The following IPP variants were observed in gnomAD, a reference collection of about 807,000 sequenced individuals.
The protein encoded by IPP is intracisternal A particle-promoted polypeptide.
IPP carries 41 observed loss-of-function variants against 64.1 expected under a neutral mutation model. That is an observed-to-expected ratio of 0.64 (90% CI 0.50 to 0.83). The LOEUF (loss-of-function observed/expected upper bound fraction) is 0.83. IPP is among the 40% of genes least tolerant of loss of function. IPP has a pLI of 0.00. For synonymous variants in IPP, 214 were observed against 235.2 expected (o/e 0.91, Z 0.83); for missense variants, 649 against 703.0 (o/e 0.92, Z 0.87).
chr1:45,702,750 C>T (rs1645471898), intron 8 of IPP, among the ~76,000 whole-genome samples: 1 of 151,944 alleles, frequency 6.6e-6, no homozygotes, highest in Non-Finnish European at 1.5e-5. Context: ...CCACTGCACC[C>T]GACCATTAAC....
intron 3 of IPP, among the ~76,000 whole-genome samples, 167 bp downstream of exon 3, chr1:45,740,734 A>G (rs2148581288): frequency 6.6e-6 from 1 of 152,348 alleles, no homozygotes; most frequent in South Asian, 2.1e-4. Context: ...ACAGAACACA[A>G]AAGTTGTATC....
At chr1:45,697,956 TA>T (rs1312752820), downstream of IPP, 850 of 120,066 alleles carry the variant, frequency 7.1e-3, no homozygotes, top group East Asian at 0.012. Flanking sequence ...AGACTCCATC[TA>T]AAAAAAAAAA....
At chr1:45,741,786 G>A (rs1161107055) in intron 2 of IPP, among the ~76,000 whole-genome samples, 3 of 126,480 alleles carry the variant, frequency 2.4e-5, no homozygotes, top group African/African-American at 8.5e-5. Flanking sequence ...CCGCCACTGC[G>A]CCCGGCTAAT....
intron 7 of IPP, among the ~76,000 whole-genome samples, chr1:45,716,242 A>C (rs1312356870): frequency 6.6e-6 from 1 of 152,086 alleles, no homozygotes; most frequent in East Asian, 1.9e-4. Context: ...GACCATGAAA[A>C]TAATTTATTT....
chr1:45,734,656 A>G (rs1217006448), intron 3 of IPP, among the ~76,000 whole-genome samples: 1 of 152,096 alleles, frequency 6.6e-6, no homozygotes, highest in Admixed American at 6.6e-5. Context: ...ATCTCACTCT[A>G]TCGCCCAGGC....
intron 8 of IPP, among the ~76,000 whole-genome samples, chr1:45,702,828 A>G (rs540549488): frequency 6.6e-6 from 1 of 152,338 alleles, no homozygotes; most frequent in Admixed American, 6.5e-5. Context: ...AAAATTAGCA[A>G]CAGAAAGTGC....
chr1:45,741,362 T>C (rs759431619), intron 2 of IPP, 30 bp from the exon 3 acceptor site: 2 of 1,457,224 alleles, frequency 1.4e-6, no homozygotes, highest in South Asian at 2.5e-5. Context: ...AAATGGCCAA[T>C]AAAATAAAAA....
chr1:45,738,917 G>T (rs543804088), intron 3 of IPP, among the ~76,000 whole-genome samples: 20 of 147,414 alleles, frequency 1.4e-4, no homozygotes, highest in African/African-American at 4.7e-4. Flanking sequence ...TGACAAAAAT[G>T]TTGTGACTAT....
chr1:45,711,440 C>A (rs900873278), intron 8 of IPP, among the ~76,000 whole-genome samples: 4 of 151,598 alleles, frequency 2.6e-5, no homozygotes, highest in African/African-American at 7.3e-5. Flanking sequence ...ATAAAATATA[C>A]CATGAAAACA....
downstream of IPP, chr1:45,694,458 T>C (rs2148541265): frequency 6.5e-7 from 1 of 1,543,590 alleles, no homozygotes; most frequent in Non-Finnish European, 8.8e-7. Context: ...CTTGTGATCA[T>C]TGAAAAGAAT....
In IPP at chr1:45,740,447, G is replaced by C. The variant is rs972449169; in HGVS notation, c.724+454C>G. On this transcript the variant is annotated intron_variant, in intron 3 of 8. Transcript: ENST00000396478. ...CCCGGACGGGGCGGCTGGCCGGGCGGGGGGCTGAACCCCCCATCTCCCTCC... is the reference window on the plus strand; with the variant it reads ...CCCGGACGGGGCGGCTGGCCGGGCGCGGGGCTGAACCCCCCATCTCCCTCC... 4.6e-5 allele frequency among the ~76,000 whole-genome samples: 7 copies of C among 151,876 alleles called. 1 individual carries two copies. The highest frequency in any genetic ancestry group is 8.8e-5 in the Non-Finnish European group (6 of 67,900).
intron 8 of IPP, among the ~76,000 whole-genome samples, chr1:45,706,257 A>C (rs1353655918): frequency 6.6e-6 from 1 of 152,108 alleles, no homozygotes; most frequent in Non-Finnish European, 1.5e-5. Flanking sequence ...AATAGGGATA[A>C]ACTAGATCTA....
At chr1:45,726,314 C>T (rs1477342175) in intron 5 of IPP, among the ~76,000 whole-genome samples, 10 of 151,820 alleles carry the variant, frequency 6.6e-5, no homozygotes, top group African/African-American at 7.3e-5. Context: ...CAAAATTAGC[C>T]GGGCGTGGTG....
chr1:45,715,788 T>C (rs1645650411), intron 7 of IPP, among the ~76,000 whole-genome samples: 1 of 152,154 alleles, frequency 6.6e-6, no homozygotes. Context: ...GAAGTTGACA[T>C]AGATAAGTTC....
chr1:45,741,109 T>C lies in IPP; in HGVS notation c.516A>G (p.Gly172=). Residue 172 remains glycine (G), a synonymous_variant, in exon 3 of 9, where the codon GGA becomes GGG. Transcript: ENST00000396478. ...IHVHFLEVHS[G]EEFLALTKDQ... is the part of the protein sequence containing the mutation. ...CTTTCGTAAGTGCCAGGAACTCTTC[T>C]CCACTATGAACCTCCAAGAAATGGA... The C allele has an allele frequency of 6.2e-7, 1 of 1,614,138 alleles. No homozygotes were observed. Among genetic ancestry groups the C allele is most frequent in the Non-Finnish European group, 8.5e-7 (1 of 1,179,992 alleles).
intron 8 of IPP, among the ~76,000 whole-genome samples, chr1:45,707,790 G>GA (rs1178246950): frequency 6.6e-6 from 1 of 152,006 alleles, no homozygotes; most frequent in South Asian, 2.1e-4. Context: ...GAGAATATTT[G>GA]AAAAAATATG....
chr1:45,715,367 C>A (rs543332586), intron 7 of IPP, among the ~76,000 whole-genome samples: 1 of 151,708 alleles, frequency 6.6e-6, no homozygotes, highest in Non-Finnish European at 1.5e-5. Flanking sequence ...CTAGGCCGGG[C>A]GCGGTGGCTC....
intron 3 of IPP, among the ~76,000 whole-genome samples, chr1:45,733,495 A>G (rs1236134186): frequency 1.3e-5 from 2 of 151,392 alleles, no homozygotes; most frequent in Non-Finnish European, 2.9e-5. Context: ...CAAAATCCAA[A>G]CTATGCCTTA....
At position 45,707,593 on chromosome 1, in the gene IPP, G is replaced by C. The variant is rs564135218; in HGVS notation, c.1530+6653C>G. On this transcript the variant is annotated intron_variant, in intron 8 of 8. Coordinates refer to ENST00000396478, the MANE Select transcript of IPP (RefSeq NM_005897.3). ...AATGAAAAATTCCATAGATGGGATT[G>C]GACACTGCGAACTAGAAGTTTGGAT... Among the ~76,000 whole-genome samples, 6 of 152,050 alleles carry C rather than the reference G, an allele frequency of 3.9e-5. No individual in the cohort carries two copies. The East Asian group carries it at 9.6e-4, about 24-fold the overall frequency.
Sources: gnomAD v4.1 joint callset for allele counts (sites outside exome capture counted in the v4.1 genomes callset) on GRCh38, gnomAD v4.1.1 for gene constraint, MANE v1.5 for transcripts, NCBI Gene and HGNC (gene_info 2026-07-23, HGNC 2026-07-21) for gene names.